The following SND1 variants were observed in gnomAD, a reference collection of about 807,000 sequenced individuals.
The protein encoded by SND1 is staphylococcal nuclease and tudor domain containing 1, also known as staphylococcal nuclease domain-containing protein 1.
In SND1, 38 loss-of-function variants were observed where a neutral mutation model predicts 121.7. The observed-to-expected ratio is 0.31, with a 90% CI of 0.24 to 0.41. The LOEUF is 0.41. Ranked by LOEUF, SND1 falls within the 10% of genes least tolerant of loss-of-function variation. The pLI, the probability that SND1 is intolerant of heterozygous loss-of-function variation, is 1.00. For synonymous variants in SND1, 401 were observed against 447.4 expected (o/e 0.90, Z 1.31); for missense variants, 868 against 1,184.6 (o/e 0.73, Z 3.92).
intron 16 of SND1, among the ~76,000 whole-genome samples, chr7:128,031,825 T>C (rs1454586057): frequency 6.7e-6 from 1 of 149,250 alleles, no homozygotes; most frequent in Non-Finnish European, 1.5e-5. Context: ...CGGCTCCGGC[T>C]TTGTGCGGAG....
intron 16 of SND1, among the ~76,000 whole-genome samples, chr7:128,051,141 G>A (rs954632297): frequency 6.6e-6 from 1 of 152,196 alleles, no homozygotes; most frequent in Non-Finnish European, 1.5e-5. Flanking sequence ...CAGTGCAGGA[G>A]TTTTCCTCCT....
chr7:128,014,045 A>G lies in SND1; in HGVS notation c.1779+22989A>G, dbSNP rs78009126. On this transcript the variant is annotated intron_variant, in intron 16 of 23. Coordinates refer to ENST00000354725, the MANE Select transcript of SND1 (RefSeq NM_014390.4). ...CTTCCTTGCCTGGGGCTCTGAGGAG[A>G]GTGACCTGCTTGTAGGAGGGTTTCC... 2.3e-3 allele frequency among the ~76,000 whole-genome samples: 349 copies of G among 152,242 alleles called. 9 individuals are homozygous for G. In the East Asian group the frequency reaches 0.057, roughly 25 times the overall value.
chr7:128,085,881 G>C lies in SND1; in HGVS notation c.2304+101G>C. 1 of 1,031,062 alleles carries C rather than the reference G, an allele frequency of 9.7e-7. No homozygotes were observed. The highest frequency in any genetic ancestry group is 1.5e-6 in the Non-Finnish European group (1 of 666,038). The allele number at this position is 1,031,062 out of a possible 1,614,324, so 63.9% of individuals were successfully genotyped here. A position where few individuals can be genotyped will look rare whatever the true frequency, so the allele number is the denominator to read the frequency against. On this transcript the variant is annotated intron_variant, in intron 20 of 23. Transcript: ENST00000354725. This position sits in a 1 kb window ranked among gnomAD's most constrained non-coding sequence, Gnocchi z 4.4. ...CAAGGTCCCTCTGAGCTTACCAATAGAACAATGAGCATTGGGGCATCTCTG... is the reference window on the plus strand; with the variant it reads ...CAAGGTCCCTCTGAGCTTACCAATACAACAATGAGCATTGGGGCATCTCTG...
intron 16 of SND1, among the ~76,000 whole-genome samples, chr7:128,020,310 C>A (rs564344533): frequency 3.3e-5 from 5 of 152,332 alleles, no homozygotes; most frequent in African/African-American, 9.6e-5. Context: ...AGGATTGCAT[C>A]AAACTGCAAA....
At chr7:128,088,888 A>AC (rs1793729337) in intron 21 of SND1, among the ~76,000 whole-genome samples, 1 of 152,024 alleles carries the variant, frequency 6.6e-6, no homozygotes, top group Non-Finnish European at 1.5e-5. Context: ...GGAAGAAGTC[A>AC]CTTTTTCTCG....
At chr7:127,760,643 A>C (rs1480147054) in intron 10 of SND1, among the ~76,000 whole-genome samples, 1 of 152,216 alleles carries the variant, frequency 6.6e-6, no homozygotes, top group Non-Finnish European at 1.5e-5. Flanking sequence ...GCAAGAGTCT[A>C]AAAAGGCACC....
intron 16 of SND1, among the ~76,000 whole-genome samples, chr7:128,060,681 G>A (rs1034675018): frequency 2.6e-5 from 4 of 152,202 alleles, no homozygotes; most frequent in Non-Finnish European, 4.4e-5. Flanking sequence ...CATTTACACC[G>A]AGGGGTGGGG....
chr7:127,696,838 TTAGAA>T (rs1269451046), intron 3 of SND1, among the ~76,000 whole-genome samples: 1 of 152,220 alleles, frequency 6.6e-6, no homozygotes, highest in Non-Finnish European at 1.5e-5. Flanking sequence ...ACATTAGTGT[TTAGAA>T]TAAGAACTGG....
intron 16 of SND1, among the ~76,000 whole-genome samples, chr7:128,024,307 C>T (rs9656367): frequency 2.6e-5 from 4 of 152,124 alleles, no homozygotes; most frequent in Admixed American, 2.6e-4. Context: ...ATGGCGTGAA[C>T]AGTGCCTGCA....
intron 12 of SND1, among the ~76,000 whole-genome samples, chr7:127,852,136 G>A (rs1468301974): frequency 6.6e-6 from 1 of 151,208 alleles, no homozygotes; most frequent in Non-Finnish European, 1.5e-5. Flanking sequence ...CTCCAGCCTG[G>A]GTGGTAGAGC....
At chr7:127,707,483 A>T in intron 8 of SND1, 74 bp from the exon 9 acceptor site, 1 of 1,184,608 alleles carries the variant, frequency 8.4e-7, no homozygotes, top group East Asian at 2.3e-5. Flanking sequence ...ATGCTGCACC[A>T]ACTGTGCTCC....
chr7:127,652,257 T>C lies in SND1; in HGVS notation c.-117T>C, dbSNP rs1255011652. The C allele has an allele frequency of 1.0e-5, 9 of 857,358 alleles. No homozygotes were observed. Among genetic ancestry groups the C allele is most frequent in the Non-Finnish European group, 1.2e-5 (6 of 515,188 alleles). The allele number at this position is 857,358 out of a possible 1,614,324, so 53.1% of individuals were successfully genotyped here. ...CCCGGCGAGTCCGTCCCGTCCACCG[T>C]CCGCAGCTGGTAGCCAGCCTGCCCC... On this transcript the variant is annotated 5_prime_UTR_variant, in exon 1 of 24. Coordinates refer to ENST00000354725, the MANE Select transcript of SND1 (RefSeq NM_014390.4).
intron 10 of SND1, among the ~76,000 whole-genome samples, chr7:127,765,129 G>C (rs1045867636): frequency 2.0e-5 from 3 of 152,160 alleles, no homozygotes; most frequent in Non-Finnish European, 4.4e-5. Flanking sequence ...TGACATCTAG[G>C]AACACACCAT....
intron 13 of SND1, among the ~76,000 whole-genome samples, chr7:127,894,059 G>A (rs1456828304): frequency 1.3e-5 from 2 of 152,008 alleles, no homozygotes; most frequent in African/African-American, 2.4e-5. Context: ...ACAGACTTTA[G>A]TCAAAAAGCT....
intron 12 of SND1, among the ~76,000 whole-genome samples, chr7:127,852,580 C>T (rs1490411585): frequency 4.6e-5 from 7 of 151,276 alleles, no homozygotes; most frequent in Non-Finnish European, 7.4e-5. Flanking sequence ...GAGGCTGAGG[C>T]GGGCATATCA....
intron 16 of SND1, among the ~76,000 whole-genome samples, chr7:128,062,332 G>T (rs540940851): frequency 2.0e-5 from 3 of 152,122 alleles, no homozygotes; most frequent in Non-Finnish European, 4.4e-5. Context: ...TATGTACAGG[G>T]GCATAGGACT....
At chr7:127,979,363 AGG>A (rs1802203764) in intron 15 of SND1, among the ~76,000 whole-genome samples, 3 of 152,168 alleles carry the variant, frequency 2.0e-5, no homozygotes, top group African/African-American at 7.2e-5. Flanking sequence ...TGAACGAGGG[AGG>A]GGAAGGGGCA....
At chr7:127,983,855 A>C (rs1220883869) in intron 15 of SND1, among the ~76,000 whole-genome samples, 1 of 152,114 alleles carries the variant, frequency 6.6e-6, no homozygotes, top group African/African-American at 2.4e-5. Flanking sequence ...TGGGAAACTT[A>C]TTTATATCCC....
chr7:127,933,544 A>G (rs1161622370), intron 15 of SND1, among the ~76,000 whole-genome samples: 1 of 152,226 alleles, frequency 6.6e-6, no homozygotes, highest in African/African-American at 2.4e-5. Context: ...GACTTTAACA[A>G]GGTTATTTAC....
Sources: allele counts gnomAD v4.1 joint callset (sites outside exome capture counted in the v4.1 genomes callset), GRCh38; gene constraint gnomAD v4.1.1; non-coding constraint Gnocchi (gnomAD v3.1); transcripts MANE v1.5; gene names NCBI Gene and HGNC (gene_info 2026-07-23, HGNC 2026-07-21).